Variants in FANCI observed in about 807,000 individuals in gnomAD.
FANCI encodes the protein Fanconi anemia group I protein.
FANCI carries 156 observed loss-of-function variants against 176.1 expected under a neutral mutation model. The observed-to-expected ratio is 0.89, with a 90% CI of 0.78 to 1.01. The LOEUF is 1.01. Ranked by LOEUF, FANCI falls within the 50% of genes least tolerant of loss-of-function variation. The pLI is 0.00. For missense variants in FANCI, 1,678 were observed against 1,534.1 expected (o/e 1.09, Z -1.57); for synonymous variants, 613 against 541.7 (o/e 1.13, Z -1.83).
chr15:89,251,103 A>G (rs1239931415), intron 2 of FANCI, among the ~76,000 whole-genome samples: 1 of 152,220 alleles, frequency 6.6e-6, no homozygotes, highest in Non-Finnish European at 1.5e-5. Context: ...AAAAACATGC[A>G]CAAAATGAGA....
chr15:89,300,930 C>T (rs1391561953), intron 26 of FANCI, among the ~76,000 whole-genome samples: 1 of 152,180 alleles, frequency 6.6e-6, no homozygotes, highest in Non-Finnish European at 1.5e-5. Flanking sequence ...TAGAAAGACA[C>T]TGACAAATAA....
intron 2 of FANCI, among the ~76,000 whole-genome samples, chr15:89,254,653 TA>T (rs1175337887): frequency 1.3e-5 from 2 of 152,126 alleles, no homozygotes; most frequent in Non-Finnish European, 2.9e-5. Context: ...AAAAATAATT[TA>T]AAAAATTAGC....
At chr15:89,300,204 T>C in intron 25 of FANCI, 96 bp from the exon 26 acceptor site, 1 of 1,263,182 alleles carries the variant, frequency 7.9e-7, no homozygotes, top group Admixed American at 2.0e-5. Flanking sequence ...AGTCTGCCTT[T>C]AGACTTTTTT....
chr15:89,268,571 G>C, intron 10 of FANCI, 46 bp downstream of exon 10: 1 of 1,611,694 alleles, frequency 6.2e-7, no homozygotes, highest in Middle Eastern at 1.7e-4. Flanking sequence ...TTGAATGAAA[G>C]TGTTTGAACT....
intron 18 of FANCI, among the ~76,000 whole-genome samples, chr15:89,285,998 C>G (rs1380219360): frequency 1.6e-5 from 2 of 127,106 alleles, no homozygotes; most frequent in Admixed American, 7.6e-5. Context: ...TTTTTTTTTT[C>G]TTTGGGACAG....
chr15:89,261,222 G>A (rs2052699758), intron 4 of FANCI, among the ~76,000 whole-genome samples: 2 of 152,168 alleles, frequency 1.3e-5, no homozygotes, highest in Admixed American at 1.3e-4. Context: ...AGTGAGCCGA[G>A]ATTGCACCGC....
intron 2 of FANCI, among the ~76,000 whole-genome samples, chr15:89,257,739 G>T (rs534150508): frequency 3.3e-5 from 5 of 152,258 alleles, no homozygotes; most frequent in South Asian, 2.1e-4. Context: ...TTGGGGTTGT[G>T]GGGAGGACAC....
At chr15:89,275,408 A>C (rs2053372905) in intron 12 of FANCI, among the ~76,000 whole-genome samples, 1 of 152,198 alleles carries the variant, frequency 6.6e-6, no homozygotes, top group Non-Finnish European at 1.5e-5. Flanking sequence ...GATATACATT[A>C]GCTGTTGTAA....
chr15:89,272,126 T>G (rs1354979704), intron 10 of FANCI, among the ~76,000 whole-genome samples: 1 of 152,220 alleles, frequency 6.6e-6, no homozygotes, highest in Non-Finnish European at 1.5e-5. Flanking sequence ...TCTGTCTTTT[T>G]TATTATATCC....
intron 7 of FANCI, 98 bp downstream of exon 7, chr15:89,263,558 A>C: frequency 1.9e-6 from 2 of 1,042,760 alleles, no homozygotes; most frequent in Non-Finnish European, 3.0e-6. Flanking sequence ...CTCTCTCCTG[A>C]TTGTAAGAAT....
At chr15:89,294,033 C>A in intron 23 of FANCI, 36 bp downstream of exon 23, 2 of 1,611,468 alleles carry the variant, frequency 1.2e-6, no homozygotes, top group Non-Finnish European at 8.5e-7. Context: ...GACAGCCACT[C>A]CCTGAGGATC....
At chr15:89,266,165 G>GTT (rs34065435) in intron 9 of FANCI, among the ~76,000 whole-genome samples, 9,806 of 109,680 alleles carry the variant, frequency 0.089, 696 homozygotes, top group African/African-American at 0.14. Context: ...CCTGGCTACT[G>GTT]TTTTTTTTTT....
In FANCI at chr15:89,307,499, C is replaced by T. The variant is rs748619003; in HGVS notation, c.3561C>T (p.Ser1187=). ...VRYYLQVCQS[S]GGIPKNMEKL... ...AGTATCTCCAGGTGTGTCAGAGCTC[C>T]GGAGGAATTCCAAAAAATATGGAAA... The change falls in exon 33 of 38, where the codon TCC becomes TCT. Residue 1187 remains serine, a synonymous_variant. Coordinates refer to ENST00000310775, the MANE Select transcript of FANCI (RefSeq NM_001113378.2). 6 of 1,613,980 alleles carry T rather than the reference C, an allele frequency of 3.7e-6. No homozygotes were observed. Among genetic ancestry groups the T allele is most frequent in the South Asian group, 2.2e-5 (2 of 91,078 alleles).
At chr15:89,264,248 T>C (rs971301762) in intron 8 of FANCI, among the ~76,000 whole-genome samples, 2 of 152,224 alleles carry the variant, frequency 1.3e-5, no homozygotes, top group African/African-American at 4.8e-5. Flanking sequence ...AAACATGCAT[T>C]ATCTCTTGTA....
intron 2 of FANCI, among the ~76,000 whole-genome samples, chr15:89,257,693 T>C (rs765197173): frequency 7.2e-5 from 11 of 152,170 alleles, no homozygotes; most frequent in Non-Finnish European, 1.3e-4. Context: ...GGTCACATTC[T>C]GAAATACTGG....
intron 30 of FANCI, 44 bp downstream of exon 30, chr15:89,305,453 T>C: frequency 2.5e-6 from 4 of 1,612,728 alleles, no homozygotes; most frequent in Non-Finnish European, 3.4e-6. Context: ...TTGTCATTCT[T>C]TCCATTCTAC....
intron 6 of FANCI, among the ~76,000 whole-genome samples, chr15:89,262,929 G>C (rs2052775882): frequency 2.6e-5 from 4 of 152,176 alleles, no homozygotes; most frequent in South Asian, 2.1e-4. Flanking sequence ...TGGGAATCTT[G>C]CTTTATTGGC....
intron 9 of FANCI, among the ~76,000 whole-genome samples, chr15:89,265,935 A>T (rs565883235): frequency 6.6e-6 from 1 of 152,088 alleles, no homozygotes; most frequent in Non-Finnish European, 1.5e-5. Context: ...GGATATGGAA[A>T]TCGAGAGACA....
intron 13 of FANCI, 58 bp from the exon 14 acceptor site, chr15:89,278,629 A>G (rs2053494941): frequency 7.8e-7 from 1 of 1,279,230 alleles, no homozygotes; most frequent in African/African-American, 1.5e-5. Flanking sequence ...ACATGCATTG[A>G]TATACTTAAA....
Sources: allele counts gnomAD v4.1 joint callset (sites outside exome capture counted in the v4.1 genomes callset), GRCh38; gene constraint gnomAD v4.1.1; transcripts MANE v1.5; gene names NCBI Gene and HGNC (gene_info 2026-07-23, HGNC 2026-07-21).